Variants in DHRSX observed in about 807,000 individuals in gnomAD.
DHRSX encodes dehydrogenase/reductase X-linked, also known as polyprenol dehydrogenase.
DHRSX carries 31 observed loss-of-function variants against 34.0 expected under a neutral mutation model. The observed-to-expected ratio is 0.91, with a 90% confidence interval of 0.69 to 1.23. The LOEUF is 1.23. Among genes scored for constraint, DHRSX ranks in the 50% most tolerant of loss-of-function variants. DHRSX has a pLI of 0.00. For synonymous variants in DHRSX, 201 were observed against 183.8 expected, an observed-to-expected ratio of 1.09 and a Z score of -0.76; for missense variants, 414 against 428.1, an observed-to-expected ratio of 0.97 and a Z score of 0.29.
rs139347322 is a variant in DHRSX at position 2,356,440 on chromosome X, G to A, written c.286+52305C>T. 4.3e-3 allele frequency among the ~76,000 whole-genome samples: 656 copies of A among 151,518 alleles called. 8 individuals are homozygous for A. The highest frequency in any genetic ancestry group is 0.015 in the African/African-American group (617 of 41,376). ...GTGCAGAGGGCAGGCTTGTGGAAGC[G>A]TGTAGAATGTAGAAGAAAAAGATGA... On this transcript the variant is annotated intron_variant, in intron 3 of 6. Transcript: ENST00000334651.
At chrX:2,236,724 G>A (rs1320218671) in intron 6 of DHRSX, among the ~76,000 whole-genome samples, 3 of 152,054 alleles carry the variant, frequency 2.0e-5, no homozygotes, top group African/African-American at 4.8e-5. Flanking sequence ...GAGCCACTGC[G>A]CCCGGCCACC....
chrX:2,386,171 A>ATTTG (rs2124616369), intron 3 of DHRSX, among the ~76,000 whole-genome samples: 1 of 149,630 alleles, frequency 6.7e-6, no homozygotes, highest in Admixed American at 6.7e-5. Context: ...TTATTTATTT[A>ATTTG]TTTATTTATT....
intron 1 of DHRSX, among the ~76,000 whole-genome samples, chrX:2,463,199 T>A (rs2044427034): frequency 6.6e-6 from 1 of 152,026 alleles, no homozygotes; most frequent in African/African-American, 2.4e-5. Flanking sequence ...TTTTAGCAGC[T>A]CCCTACTCAG....
intron 1 of DHRSX, among the ~76,000 whole-genome samples, chrX:2,479,635 G>A (rs1164452476): frequency 6.7e-6 from 1 of 148,414 alleles, no homozygotes; most frequent in African/African-American, 2.5e-5. Flanking sequence ...ACTGCCCTGT[G>A]CACACTGAAG....
chrX:2,273,851 T>G (rs1355975469), intron 4 of DHRSX, among the ~76,000 whole-genome samples: 1 of 152,156 alleles, frequency 6.6e-6, no homozygotes, highest in Non-Finnish European at 1.5e-5. Flanking sequence ...GGACAGTGCT[T>G]CTGTGCAGGC....
At chrX:2,429,176 G>C (rs2043886290) in intron 1 of DHRSX, among the ~76,000 whole-genome samples, 1 of 151,438 alleles carries the variant, frequency 6.6e-6, no homozygotes, top group African/African-American at 2.4e-5. Context: ...TGAGGGACTT[G>C]CAAATACTAT....
At chrX:2,472,143 CAAA>C (rs112638597) in intron 1 of DHRSX, among the ~76,000 whole-genome samples, 1 of 120,850 alleles carries the variant, frequency 8.3e-6, no homozygotes, top group Non-Finnish European at 1.8e-5. Context: ...GAAACTGTCT[CAAA>C]AAAAAAAAAA....
chrX:2,254,643 T>A (rs1264080733), intron 5 of DHRSX, among the ~76,000 whole-genome samples: 5 of 152,044 alleles, frequency 3.3e-5, no homozygotes, highest in Non-Finnish European at 7.4e-5. Context: ...AAAGAGAGGT[T>A]TTTTTTGTTT....
chrX:2,379,606 T>G (rs1219480118), intron 3 of DHRSX, among the ~76,000 whole-genome samples: 2 of 148,666 alleles, frequency 1.3e-5, no homozygotes, highest in African/African-American at 5.0e-5. Flanking sequence ...TTTTTTTTTT[T>G]TTTTTTTTTT....
chrX:2,272,840 G>C (rs1427502610), intron 4 of DHRSX, among the ~76,000 whole-genome samples: 2 of 152,130 alleles, frequency 1.3e-5, no homozygotes, highest in Non-Finnish European at 2.9e-5. Flanking sequence ...CCTGTGCCCC[G>C]AAAGAAAGTG....
At chrX:2,478,878 C>A (rs190038405) in intron 1 of DHRSX, among the ~76,000 whole-genome samples, 5 of 152,156 alleles carry the variant, frequency 3.3e-5, no homozygotes, top group African/African-American at 1.2e-4. Flanking sequence ...GGTGTACACA[C>A]TGAAGACGTT....
intron 6 of DHRSX, 119 bp from the exon 7 acceptor site, chrX:2,221,348 A>G: frequency 9.6e-7 from 1 of 1,046,056 alleles, no homozygotes; most frequent in Non-Finnish European, 1.4e-6. Flanking sequence ...CTGCACTGAG[A>G]AATGTATGCA....
At chrX:2,420,719 G>C (rs1417932311) in intron 2 of DHRSX, among the ~76,000 whole-genome samples, 1 of 149,850 alleles carries the variant, frequency 6.7e-6, no homozygotes, top group Non-Finnish European at 1.5e-5. Context: ...CTCCAGCCTG[G>C]GCAACAGAGT....
rs567692685 is a variant in DHRSX, at chrX:2,227,337, G to A, written c.805-6108C>T. ...AAAAAAAATCAATGGAAGGAAGAAA[G>A]AGAAGGAGAAAGAAAAAGAGGAAGA... On this transcript the variant is annotated intron_variant, in intron 6 of 6. Transcript: ENST00000334651. Among the ~76,000 whole-genome samples the A allele has an allele frequency of 1.3e-4, 19 of 150,826 alleles. No individual in the cohort carries two copies. The South Asian group carries it at 3.5e-3, about 28-fold the overall frequency.
At chrX:2,309,234 A>G (rs1020965428) in intron 3 of DHRSX, among the ~76,000 whole-genome samples, 3 of 152,150 alleles carry the variant, frequency 2.0e-5, no homozygotes, top group East Asian at 1.9e-4. Context: ...ATTCTTCTAG[A>G]CTTTCAAAGA....
chrX:2,360,323 G>A (rs553730307), intron 3 of DHRSX, among the ~76,000 whole-genome samples: 9 of 152,254 alleles, frequency 5.9e-5, no homozygotes, highest in East Asian at 3.9e-4. Flanking sequence ...GGTGGCTCAC[G>A]CCTGTAATCC....
intron 1 of DHRSX, among the ~76,000 whole-genome samples, chrX:2,453,571 C>G (rs2044254764): frequency 1.3e-5 from 2 of 151,968 alleles, no homozygotes; most frequent in South Asian, 4.2e-4. Flanking sequence ...ACCTGGGAGG[C>G]TGAGGTGGGA....
At chrX:2,475,991 G>T (rs1346140974) in intron 1 of DHRSX, among the ~76,000 whole-genome samples, 1 of 152,164 alleles carries the variant, frequency 6.6e-6, no homozygotes, top group African/African-American at 2.4e-5. Context: ...TCACACCAAG[G>T]AAGACGTCTT....
intron 2 of DHRSX, among the ~76,000 whole-genome samples, chrX:2,410,871 T>C (rs2043618531): frequency 6.6e-6 from 1 of 152,188 alleles, no homozygotes; most frequent in South Asian, 2.1e-4. Flanking sequence ...CTTGAAGGAA[T>C]TCAAAGTTGC....
Sources: gnomAD v4.1 joint callset for allele counts (sites outside exome capture counted in the v4.1 genomes callset) on GRCh38, gnomAD v4.1.1 for gene constraint, MANE v1.5 for transcripts, NCBI Gene and HGNC (gene_info 2026-07-23, HGNC 2026-07-21) for gene names.